LY86: variants seen among roughly 807,000 people sequenced by gnomAD.
The protein encoded by LY86 is lymphocyte antigen 86, also known as MD-1, RP105-associated.
Under a neutral mutation model 17.3 loss-of-function variants are expected in LY86, and 20 were observed. The observed-to-expected ratio is 1.15, with a 90% CI of 0.81 to 1.68. The LOEUF (loss-of-function observed/expected upper bound fraction) is 1.68, where lower values mean the gene tolerates loss of function less well. Among genes scored for constraint, LY86 ranks in the 40% most tolerant of loss-of-function variants. The probability of loss-of-function intolerance (pLI) is 0.00; values close to 1 mark genes in which losing one functional copy is unlikely to be tolerated. For missense variants in LY86, 200 were observed against 191.9 expected (o/e 1.04, Z -0.25); for synonymous variants, 74 against 70.6 (o/e 1.05, Z -0.24).
At chr6:6,603,111 A>AAAC (rs1760965650) in intron 1 of LY86, among the ~76,000 whole-genome samples, 1 of 152,132 alleles carries the variant, frequency 6.6e-6, no homozygotes, top group Admixed American at 6.5e-5. Flanking sequence ...CAGAAAGGGC[A>AAAC]AACAAGCTCC....
chr6:6,626,441 C>T lies in LY86; in HGVS notation c.352+20C>T. ...AAGGAGGTAAGCCATCTGTCTTGCTCACTGCTGGCAGGGGCCTGCAGAGAG... is the reference window on the plus strand; with the variant it reads ...AAGGAGGTAAGCCATCTGTCTTGCTTACTGCTGGCAGGGGCCTGCAGAGAG... On this transcript the variant is annotated intron_variant, in intron 3 of 4. Coordinates refer to ENST00000230568, the MANE Select transcript of LY86 (RefSeq NM_004271.4). 5 of 1,612,632 alleles carry T rather than the reference C, an allele frequency of 3.1e-6. No homozygotes were observed. The highest frequency in any genetic ancestry group is 4.2e-6 in the Non-Finnish European group (5 of 1,179,806).
chr6:6,609,157 G>A (rs556300439), intron 1 of LY86, among the ~76,000 whole-genome samples: 13 of 152,194 alleles, frequency 8.5e-5, no homozygotes, highest in Non-Finnish European at 1.3e-4. Flanking sequence ...TCCTATTCCC[G>A]GATGGTCTAT....
At position 6,598,293 on chromosome 6, in the gene LY86, AT is replaced by A. The variant is rs554257142; in HGVS notation, c.136+9431del. ...AAATTATCACAAAATTATTCAACTC[AT>A]TTTTTTTCTTAACCTCATTTCAAAA... is the stretch of plus-strand genomic sequence containing the variant. On this transcript the variant is annotated intron_variant, in intron 1 of 4. Transcript: ENST00000230568. 3.2e-4 allele frequency among the ~76,000 whole-genome samples: 48 copies of A among 151,858 alleles called. 1 individual carries two copies. Among genetic ancestry groups the A allele is most frequent in the Non-Finnish European group, 8.8e-5 (6 of 67,948 alleles).
intron 1 of LY86, among the ~76,000 whole-genome samples, chr6:6,605,204 T>C (rs895579437): frequency 1.3e-5 from 2 of 152,200 alleles, no homozygotes; most frequent in African/African-American, 4.8e-5. Flanking sequence ...AAGAATGTGT[T>C]AGATTTCTAT....
chr6:6,612,822 T>G (rs1254554680), intron 1 of LY86, among the ~76,000 whole-genome samples: 2 of 152,190 alleles, frequency 1.3e-5, no homozygotes, highest in African/African-American at 4.8e-5. Context: ...CTGATTGGTG[T>G]GTTTACAAAC....
At chr6:6,614,300 C>A (rs1761491923) in intron 1 of LY86, among the ~76,000 whole-genome samples, 1 of 152,100 alleles carries the variant, frequency 6.6e-6, no homozygotes, top group Non-Finnish European at 1.5e-5. Flanking sequence ...AAAGCTTATT[C>A]GGCTACAAAA....
At chr6:6,605,810 T>C (rs191645515) in intron 1 of LY86, among the ~76,000 whole-genome samples, 1 of 152,280 alleles carries the variant, frequency 6.6e-6, no homozygotes, top group Non-Finnish European at 1.5e-5. Flanking sequence ...GTGGGGTTCG[T>C]GGTCTCGCTG....
chr6:6,653,971 G>A (rs1274275560), intron 4 of LY86, among the ~76,000 whole-genome samples: 3 of 152,146 alleles, frequency 2.0e-5, no homozygotes, highest in Non-Finnish European at 4.4e-5. Context: ...CGACACAGGC[G>A]CCAGGGCAGG....
At chr6:6,592,795 A>G (rs549312253) in intron 1 of LY86, among the ~76,000 whole-genome samples, 2 of 152,272 alleles carry the variant, frequency 1.3e-5, no homozygotes, top group South Asian at 4.1e-4. Flanking sequence ...TGGCTCCCGG[A>G]TCTCAGATTT....
At chr6:6,605,708 G>A (rs916682757) in intron 1 of LY86, among the ~76,000 whole-genome samples, 1 of 151,968 alleles carries the variant, frequency 6.6e-6, no homozygotes, top group East Asian at 1.9e-4. Flanking sequence ...TGAAGCCGCG[G>A]AACCTCGCGG....
At chr6:6,623,934 T>C (rs1261022998) in intron 1 of LY86, among the ~76,000 whole-genome samples, 1 of 152,242 alleles carries the variant, frequency 6.6e-6, no homozygotes, top group African/African-American at 2.4e-5. Flanking sequence ...TGCAGAGTGA[T>C]ACATGTTTGT....
At chr6:6,653,548 G>GGACCT (rs1762217932) in intron 4 of LY86, among the ~76,000 whole-genome samples, 1 of 152,184 alleles carries the variant, frequency 6.6e-6, no homozygotes, top group African/African-American at 2.4e-5. Context: ...AGTCCTCATA[G>GGACCT]GACCTGGCTG....
At chr6:6,594,199 C>T (rs532098106) in intron 1 of LY86, among the ~76,000 whole-genome samples, 2 of 152,322 alleles carry the variant, frequency 1.3e-5, no homozygotes, top group South Asian at 2.1e-4. Context: ...TCTACCTGGA[C>T]AGAGAAGTGG....
chr6:6,597,354 G>C (rs1006948234), intron 1 of LY86, among the ~76,000 whole-genome samples: 3 of 152,182 alleles, frequency 2.0e-5, no homozygotes, highest in Admixed American at 2.0e-4. Flanking sequence ...CCTAATTAGA[G>C]CAGTCAGAAG....
rs1338316732 is a variant in LY86 at position 6,626,418 on chromosome 6, G to A, written c.349G>A (p.Gly117Arg). 2.5e-6 allele frequency: 4 copies of A among 1,613,590 alleles called. No homozygotes were observed. The African/African-American group carries it at 5.3e-5, about 22-fold the overall frequency. The stretch of plus-strand genomic sequence containing the variant: ...GTTTTCTTTCTGTGGAAGAAGGAAA[G>A]GAGGTAAGCCATCTGTCTTGCTCAC... ...PKFSFCGRRKGEQIYYAGPVN... is the reference protein window; with the variant it reads ...PKFSFCGRRKREQIYYAGPVN... Residue 117 changes from glycine to arginine, a missense_variant, in exon 3 of 5, where the codon GGA becomes AGA. Coordinates refer to ENST00000230568, the MANE Select transcript of LY86 (RefSeq NM_004271.4).
chr6:6,604,528 G>A (rs764528910), intron 1 of LY86, among the ~76,000 whole-genome samples: 5 of 152,130 alleles, frequency 3.3e-5, no homozygotes, highest in Non-Finnish European at 5.9e-5. Context: ...CTAGAGCTAT[G>A]ACTCAAAATC....
intron 3 of LY86, among the ~76,000 whole-genome samples, chr6:6,644,864 T>C (rs965406194): frequency 1.3e-5 from 2 of 152,130 alleles, no homozygotes; most frequent in African/African-American, 4.8e-5. Flanking sequence ...TGAGAAAGGA[T>C]GGAGTGAAAA....
chr6:6,611,640 T>C (rs1176344657), intron 1 of LY86, among the ~76,000 whole-genome samples: 1 of 152,252 alleles, frequency 6.6e-6, no homozygotes, highest in Non-Finnish European at 1.5e-5. Context: ...TCACCCACAC[T>C]GGTGCCTCCC....
chr6:6,608,880 G>A (rs1051208774), intron 1 of LY86, among the ~76,000 whole-genome samples: 2 of 152,182 alleles, frequency 1.3e-5, no homozygotes, highest in African/African-American at 2.4e-5. Flanking sequence ...TTATTCATCC[G>A]AAATCCAATT....
Sources: allele counts gnomAD v4.1 joint callset (sites outside exome capture counted in the v4.1 genomes callset), GRCh38; gene constraint gnomAD v4.1.1; transcripts MANE v1.5; gene names NCBI Gene and HGNC (gene_info 2026-07-23, HGNC 2026-07-21).